CHD3: variants seen among roughly 807,000 people sequenced by gnomAD.
CHD3 encodes the protein ATP-dependent chromatin remodeler CHD3.
Under a neutral mutation model 248.9 loss-of-function variants are expected in CHD3, and 52 were observed. The observed-to-expected ratio is 0.21, with a 90% CI of 0.17 to 0.26. The LOEUF (loss-of-function observed/expected upper bound fraction) is 0.26. Among genes scored for constraint, CHD3 ranks in the 10% least tolerant of loss-of-function variants. CHD3 has a pLI of 1.00. For missense variants in CHD3, 1,482 were observed against 2,605.8 expected, an observed-to-expected ratio of 0.57 and a Z score of 9.39; for synonymous variants, 985 against 985.2, an observed-to-expected ratio of 1.00 and a Z score of 0.00.
chr17:7,911,511 G>T lies in CHD3; in HGVS notation c.5929G>T (p.Val1977Leu), dbSNP rs138058125. The change falls in exon 40 of 40, where the codon GTG becomes TTG. Residue 1977 changes from valine to leucine, a missense_variant. Around this residue, in one of 20 missense-constraint regions of CHD3, gnomAD observed 117 missense variants for 137.2 expected, o/e 0.85. Coordinates refer to ENST00000330494, the MANE Select transcript of CHD3 (RefSeq NM_001005273.3). The surrounding 1 kb of genome is among the most constrained non-coding windows in gnomAD (Gnocchi z 5.4). ...GCTTGTGAAGAAGGAGAAGGAAATG[G>T]TGGGGGCATTGGTGTCAGACGGGCT... ...PVLVKKEKEM[V>L]GALVSDGLDR... 1 of 1,614,082 alleles carries T rather than the reference G, an allele frequency of 6.2e-7. No homozygotes were observed. The highest frequency in any genetic ancestry group is 8.5e-7 in the Non-Finnish European group (1 of 1,180,046).
At position 7,894,202 on chromosome 17, in the gene CHD3, C is replaced by T; in HGVS notation, c.1012C>T (p.Pro338Ser). 4 of 1,614,202 alleles carry T rather than the reference C, an allele frequency of 2.5e-6. No individual in the cohort carries two copies. Among genetic ancestry groups the T allele is most frequent in the Non-Finnish European group, 3.4e-6 (4 of 1,180,020 alleles). ...SGSVHSASGR[P>S]DGPVRTKKLK... ...CAGTGTCCACAGTGCCTCAGGCCGG[C>T]CTGATGGCCCTGTCCGCACCAAGAA... The change falls in exon 7 of 40, where the codon CCT becomes TCT. Residue 338 changes from proline to serine, a missense_variant. Pro to Ser is a moderately conservative substitution (Grantham distance 74). Coordinates refer to ENST00000330494, the MANE Select transcript of CHD3 (RefSeq NM_001005273.3).
chr17:7,897,283 C>T lies in CHD3; in HGVS notation c.1908C>T (p.Ile636=), dbSNP rs1266143076. The T allele has an allele frequency of 6.2e-7, 1 of 1,613,578 alleles. No individual in the cohort carries two copies. The part of the protein sequence containing the change: ...IKPEWMTVHR[I]INHSVDKKGN... ...CAGAGTGGATGACCGTCCACCGCATCATCAACCACAGGTGAATCCTCGGTC... is the reference window on the plus strand; with the variant it reads ...CAGAGTGGATGACCGTCCACCGCATTATCAACCACAGGTGAATCCTCGGTC... Residue 636 remains isoleucine, a synonymous_variant, in exon 11 of 40, where the codon ATC becomes ATT. Coordinates refer to ENST00000330494, the MANE Select transcript of CHD3 (RefSeq NM_001005273.3). This position sits in a 1 kb window ranked among gnomAD's most constrained non-coding sequence, Gnocchi z 4.8.
rs1433987082 is a variant in CHD3 at position 7,893,440 on chromosome 17, G to A, written c.664G>A (p.Glu222Lys). ...GGCAGCAGCAGCAGCAGCTGTAGCTGAGCAGGTGTCAGCTGCTGTCTCGTC... is the reference window on the plus strand; with the variant it reads ...GGCAGCAGCAGCAGCAGCTGTAGCTAAGCAGGTGTCAGCTGCTGTCTCGTC... ...AAAAAAAAVA[E>K]QVSAAVSSAT... The change falls in exon 5 of 40, where the codon GAG becomes AAG. Residue 222 changes from glutamate to lysine, a missense_variant. Physicochemically the swap from Glu to Lys is moderately conservative, Grantham distance 56 (BLOSUM62 1). Coordinates refer to ENST00000330494, the MANE Select transcript of CHD3 (RefSeq NM_001005273.3). 2 of 1,612,256 alleles carry A rather than the reference G, an allele frequency of 1.2e-6. No individual in the cohort carries two copies. The highest frequency in any genetic ancestry group is 1.1e-5 in the South Asian group (1 of 90,972).
At position 7,899,824 on chromosome 17, in the gene CHD3, G is replaced by C; in HGVS notation, c.2545-72G>C. 2 of 1,564,634 alleles carry C rather than the reference G, an allele frequency of 1.3e-6. No homozygotes were observed. The highest frequency in any genetic ancestry group is 1.7e-6 in the Non-Finnish European group (2 of 1,145,944). ...CTGTTGGGAGCCACAGTCAGGACAA[G>C]GTGTCTGGTTCTGGAGGTGTAGGTG... On this transcript the variant is annotated intron_variant, in intron 15 of 39. Coordinates refer to ENST00000330494, the MANE Select transcript of CHD3 (RefSeq NM_001005273.3). The surrounding 1 kb of genome is among the most constrained non-coding windows in gnomAD (Gnocchi z 6.8).
Position 7,895,639 on chromosome 17 carries a change from G to A in CHD3, c.1707+97G>A. On this transcript the variant is annotated intron_variant, in intron 10 of 39. Coordinates refer to ENST00000330494, the MANE Select transcript of CHD3 (RefSeq NM_001005273.3). This position sits in a 1 kb window ranked among gnomAD's most constrained non-coding sequence, Gnocchi z 4.9. ...TGTTTGTTGGGTTCCCATACTCTTTGTTTTCTCTCATTTCAGGCCTGTGGC... is the reference window on the plus strand; with the variant it reads ...TGTTTGTTGGGTTCCCATACTCTTTATTTTCTCTCATTTCAGGCCTGTGGC... 1 of 1,126,890 alleles carries A rather than the reference G, an allele frequency of 8.9e-7. No homozygotes were observed. The highest frequency in any genetic ancestry group is 2.1e-5 in the Admixed American group (1 of 47,850). 69.8% of individuals were successfully genotyped at this position (1,126,890 alleles called of 1,614,324 possible).
chr17:7,898,388 G>C, intron 12 of CHD3, 108 bp from the exon 13 acceptor site: 1 of 882,622 alleles, frequency 1.1e-6, no homozygotes, highest in Non-Finnish European at 1.8e-6. Flanking sequence ...AAGGAAATAT[G>C]GGAAAATCTA....
At chr17:7,885,519 C>T (rs1567825940), upstream of CHD3, among the ~76,000 whole-genome samples, 1 of 151,562 alleles carries the variant, frequency 6.6e-6, no homozygotes. Flanking sequence ...GAGGGACCGC[C>T]GAGACCCTGG....
At position 7,898,074 on chromosome 17, in the gene CHD3, G is replaced by C; in HGVS notation, c.2023G>C (p.Glu675Gln). 2 of 1,614,064 alleles carry C rather than the reference G, an allele frequency of 1.2e-6. No individual in the cohort carries two copies. Among genetic ancestry groups the C allele is most frequent in the South Asian group, 2.2e-5 (2 of 91,064 alleles). ...TGAAATGAATATCCCTGAATACGAA[G>C]AACATAAGCAAAGCTACTGGAGACA... is the stretch of plus-strand genomic sequence containing the variant. ...EDEMNIPEYE[E>Q]HKQSYWRHRE... The change falls in exon 12 of 40, where the codon GAA becomes CAA. Residue 675 changes from glutamate to glutamine, a missense_variant. This residue lies in a region of CHD3 where 127 missense variants were observed against 188.3 expected (regional missense o/e 0.67). Transcript: ENST00000330494.
At position 7,903,735 on chromosome 17, in the gene CHD3, T is replaced by C; in HGVS notation, c.3728-90T>C. On this transcript the variant is annotated intron_variant, in intron 23 of 39. Transcript: ENST00000330494. This position sits in a 1 kb window ranked among gnomAD's most constrained non-coding sequence, Gnocchi z 6.8. ...CCGGGGAAAAAGCCTTCTCTAGGGC[T>C]CCTGTGAAAAGGACGCAGAGTAGAA... The C allele has an allele frequency of 7.1e-7, 1 of 1,399,578 alleles. No individual in the cohort carries two copies. The highest frequency in any genetic ancestry group is 9.8e-7 in the Non-Finnish European group (1 of 1,020,526). The allele number at this position is 1,399,578 out of a possible 1,614,324, so 86.7% of individuals were successfully genotyped here.
rs1480514851 is a variant in CHD3 at position 7,906,448 on chromosome 17, G to C, written c.4359-105G>C. 6.6e-6 allele frequency: 8 copies of C among 1,210,796 alleles called. No individual in the cohort carries two copies. Among genetic ancestry groups the C allele is most frequent in the Non-Finnish European group, 9.5e-6 (8 of 840,082 alleles). 75.0% of individuals were successfully genotyped at this position (1,210,796 alleles called of 1,614,324 possible). On this transcript the variant is annotated intron_variant, in intron 28 of 39. Transcript: ENST00000330494. The surrounding 1 kb of genome is among the most constrained non-coding windows in gnomAD (Gnocchi z 5.0). ...CAGGGGAGGAGCCCTGGAGCACCTGGGGATTTGGGGGTTTGGGGGTCCTCA... is the reference window on the plus strand; with the variant it reads ...CAGGGGAGGAGCCCTGGAGCACCTGCGGATTTGGGGGTTTGGGGGTCCTCA...
At position 7,889,797 on chromosome 17, in the gene CHD3, ACT is replaced by A; in HGVS notation, c.213+24_213+25del. The A allele has an allele frequency of 6.3e-7, 1 of 1,588,846 alleles. No individual in the cohort carries two copies. The highest frequency in any genetic ancestry group is 1.1e-5 in the South Asian group (1 of 88,824). On this transcript the variant is annotated intron_variant, in intron 2 of 39. Transcript: ENST00000330494. The surrounding 1 kb of genome is among the most constrained non-coding windows in gnomAD (Gnocchi z 4.5). ...AGCGTGTAAGTGTCAAGAATTCCTA[ACT>A]CTGTGGCAAGGCTCAAGAGACCCAT...
rs1971506061 is a variant in CHD3 at position 7,910,429 on chromosome 17, T to C, written c.5592T>C (p.Val1864=). 2 of 1,613,988 alleles carry C rather than the reference T, an allele frequency of 1.2e-6. No individual in the cohort carries two copies. Among genetic ancestry groups the C allele is most frequent in the Middle Eastern group, 1.6e-4 (1 of 6,084 alleles). Residue 1864 remains valine, a splice_region_variant and synonymous_variant, in exon 38 of 40, where the codon GTT becomes GTC. Coordinates refer to ENST00000330494, the MANE Select transcript of CHD3 (RefSeq NM_001005273.3). This position sits in a 1 kb window ranked among gnomAD's most constrained non-coding sequence, Gnocchi z 4.7. ...CTTTCTCTGTGGCCCGGGCCCCAGT[T>C]CTGAACCAGCTGGAGGAGTTGCTGA... ...NKPANAVLHK[V]LNQLEELLSD... is the part of the protein sequence containing the mutation.
rs1193709350 is a variant in CHD3 at position 7,899,552 on chromosome 17, C to G, written c.2544+9C>G. The G allele has an allele frequency of 6.2e-7, 1 of 1,611,238 alleles. No individual in the cohort carries two copies. The highest frequency in any genetic ancestry group is 1.7e-5 in the Admixed American group (1 of 59,992). On this transcript the variant is annotated intron_variant, in intron 15 of 39. Transcript: ENST00000330494. This position sits in a 1 kb window ranked among gnomAD's most constrained non-coding sequence, Gnocchi z 6.8. Reference sequence around the variant, plus strand: ...AAGCTTTTAAGATGAAGGTAAGACCCTCTACCTCATATCCTCTGAGACCCT... The same window carrying G: ...AAGCTTTTAAGATGAAGGTAAGACCGTCTACCTCATATCCTCTGAGACCCT...
chr17:7,909,385 G>C lies in CHD3; in HGVS notation c.5590+47G>C, dbSNP rs1567875434. 1 of 1,498,940 alleles carries C rather than the reference G, an allele frequency of 6.7e-7. No homozygotes were observed. Among genetic ancestry groups the C allele is most frequent in the East Asian group, 2.5e-5 (1 of 40,252 alleles). The allele number at this position is 1,498,940 out of a possible 1,614,324, so 92.9% of individuals were successfully genotyped here. On this transcript the variant is annotated intron_variant, in intron 37 of 39. Coordinates refer to ENST00000330494, the MANE Select transcript of CHD3 (RefSeq NM_001005273.3). This position sits in a 1 kb window ranked among gnomAD's most constrained non-coding sequence, Gnocchi z 8.1. ...CGCGGGGGAGGGCCCACAACGCTGC[G>C]TAAGTCTTCACCCCGCACCCCTCAA...
At chr17:7,898,364 A>G in intron 12 of CHD3, 132 bp from the exon 13 acceptor site, 1 of 774,776 alleles carries the variant, frequency 1.3e-6, no homozygotes, top group Non-Finnish European at 2.1e-6. Context: ...GGCAAGGGTA[A>G]AGAGCCTGGG....
chr17:7,904,360 C>A lies in CHD3; in HGVS notation c.3895-82C>A. ...GTGGGGAGACCGGATTGGGCTGACG[C>A]AGCAGAGTAGGGATTTCCTTGCAGT... On this transcript the variant is annotated intron_variant, in intron 24 of 39. Transcript: ENST00000330494. This position sits in a 1 kb window ranked among gnomAD's most constrained non-coding sequence, Gnocchi z 4.4. 2 of 1,355,652 alleles carry A rather than the reference C, an allele frequency of 1.5e-6. No individual in the cohort carries two copies. The highest frequency in any genetic ancestry group is 2.1e-6 in the Non-Finnish European group (2 of 969,942). 84.0% of individuals were successfully genotyped at this position (1,355,652 alleles called of 1,614,324 possible). A position where few individuals can be genotyped will look rare whatever the true frequency, so the allele number is the denominator to read the frequency against.
chr17:7,895,581 A>C lies in CHD3; in HGVS notation c.1707+39A>C. The stretch of plus-strand genomic sequence containing the variant: ...TTCTTTCCCTCTCCCCCATGACCTC[A>C]TTTCCTGCCATCCTCTCCCTCTCTT... On this transcript the variant is annotated intron_variant, in intron 10 of 39. Transcript: ENST00000330494. The surrounding 1 kb of genome is among the most constrained non-coding windows in gnomAD (Gnocchi z 4.9). The C allele has an allele frequency of 3.9e-6, 6 of 1,539,836 alleles. No homozygotes were observed. The highest frequency in any genetic ancestry group is 5.4e-6 in the Non-Finnish European group (6 of 1,115,186).
chr17:7,908,886 C>T lies in CHD3; in HGVS notation c.5394+57C>T, dbSNP rs1227518978. 4 of 1,608,624 alleles carry T rather than the reference C, an allele frequency of 2.5e-6. No homozygotes were observed. The highest frequency in any genetic ancestry group is 4.5e-5 in the East Asian group (2 of 44,856). Reference sequence around the variant, plus strand: ...AGACGGGCTTGGGTCAGAAGTGAGACCAGATCTAGTTGGAACCTAGGGAAG... The same window carrying T: ...AGACGGGCTTGGGTCAGAAGTGAGATCAGATCTAGTTGGAACCTAGGGAAG... On this transcript the variant is annotated intron_variant, in intron 36 of 39. Transcript: ENST00000330494. This position sits in a 1 kb window ranked among gnomAD's most constrained non-coding sequence, Gnocchi z 5.8.
In CHD3 at chr17:7,905,529, G is replaced by T; in HGVS notation, c.4139-92G>T. ...CCTCAAACGTGACAGGAATGTTCCT[G>T]TGTTGTGTATCTTGTGGGAATGGGG... On this transcript the variant is annotated intron_variant, in intron 26 of 39. Transcript: ENST00000330494. The surrounding 1 kb of genome is among the most constrained non-coding windows in gnomAD (Gnocchi z 5.8). 2 of 952,152 alleles carry T rather than the reference G, an allele frequency of 2.1e-6. No homozygotes were observed. Among genetic ancestry groups the T allele is most frequent in the East Asian group, 5.3e-5 (2 of 37,934 alleles). The allele number at this position is 952,152 out of a possible 1,614,324, so 59.0% of individuals were successfully genotyped here.
Sources: allele counts gnomAD v4.1 joint callset (sites outside exome capture counted in the v4.1 genomes callset), GRCh38; gene constraint gnomAD v4.1.1; regional missense constraint gnomAD v4.1.1; non-coding constraint Gnocchi (gnomAD v3.1); transcripts MANE v1.5; gene names NCBI Gene and HGNC (gene_info 2026-07-23, HGNC 2026-07-21).